Variants in PPP1R3B observed in about 807,000 individuals in gnomAD.
The protein encoded by PPP1R3B is PP1 subunit R4.
A neutral mutation model predicts 14.6 loss-of-function variants in PPP1R3B; 8 were observed. That is an observed-to-expected ratio of 0.55 (90% CI 0.32 to 0.99). The LOEUF (loss-of-function observed/expected upper bound fraction) is 0.99, where lower values mean the gene tolerates loss of function less well. PPP1R3B is among the 50% of genes least tolerant of loss of function. The pLI, the probability that PPP1R3B is intolerant of heterozygous loss-of-function variation, is 0.04. For missense variants in PPP1R3B, 452 were observed against 360.1 expected (o/e 1.26, Z -2.07); for synonymous variants, 169 against 142.0 (o/e 1.19, Z -1.35).
chr8:9,141,244 C>A lies in PPP1R3B; in HGVS notation c.408G>T (p.Glu136Asp), dbSNP rs1260651092. 1 of 1,614,178 alleles carries A rather than the reference C, an allele frequency of 6.2e-7. No individual in the cohort carries two copies. The highest frequency in any genetic ancestry group is 1.7e-5 in the Admixed American group (1 of 60,020). Reference protein sequence around the residue: ...NRLQADHVCLENCVLKDKAIA... With the variant: ...NRLQADHVCLDNCVLKDKAIA... Reference sequence around the variant, plus strand: ...TGGCCTTGTCCTTGAGCACACAGTTCTCAAGGCAGACGTGGTCGGCCTGAA... The same window carrying A: ...TGGCCTTGTCCTTGAGCACACAGTTATCAAGGCAGACGTGGTCGGCCTGAA... Residue 136 changes from glutamate to aspartate, a missense_variant, in exon 2 of 2, where the codon GAG becomes GAT. Coordinates refer to ENST00000310455, the MANE Select transcript of PPP1R3B (RefSeq NM_024607.4).
rs1165712567 is a variant in PPP1R3B, at chr8:9,136,363, G to C, written c.*4431C>G. The C allele has an allele frequency of 6.6e-6, 1 of 152,088 alleles. No homozygotes were observed. The allele number at this position is 152,088 out of a possible 1,614,324, so 9.4% of individuals were successfully genotyped here. ...GGATTTTTAAAGTGCATTTCCCCTT[G>C]AACTCTGTGTACAAAAATATTTATC... On this transcript the variant is annotated 3_prime_UTR_variant, in exon 2 of 2. Coordinates refer to ENST00000310455, the MANE Select transcript of PPP1R3B (RefSeq NM_024607.4).
rs750638299 is a variant in PPP1R3B, at chr8:9,141,397, C to T, written c.255G>A (p.Pro85=). The part of the protein sequence containing the change: ...MVKVFSEFDD[P]LDMPFNITEL... ...CGGTGATGTTGAATGGCATATCTAG[C>T]GGGTCATCGAATTCCGAGAACACTT... Residue 85 remains proline, a synonymous_variant, in exon 2 of 2, where the codon CCG becomes CCA. Transcript: ENST00000310455. The T allele has an allele frequency of 1.2e-5, 19 of 1,614,216 alleles. No individual in the cohort carries two copies. The highest frequency in any genetic ancestry group is 1.2e-4 in the Admixed American group (7 of 60,030).
chr8:9,145,264 C>T (rs1801206848), intron 1 of PPP1R3B: 1 of 152,192 alleles, frequency 6.6e-6, no homozygotes, highest in East Asian at 1.9e-4. Context: ...CACGTATGCT[C>T]AGATTCTCTT....
At position 9,141,201 on chromosome 8, in the gene PPP1R3B, C is replaced by G; in HGVS notation, c.451G>C (p.Val151Leu). Residue 151 changes from valine to leucine, a missense_variant, in exon 2 of 2, where the codon GTT becomes CTT. By Grantham distance (32) the Val-to-Leu change is conservative (BLOSUM62 1). Coordinates refer to ENST00000310455, the MANE Select transcript of PPP1R3B (RefSeq NM_024607.4). ...GTCTTCTCAAATGCGAGGTTCTGAA[C>G]CTTCACAGTGCCTGCAATGGCCTTG... Reference protein sequence around the residue: ...KDKAIAGTVKVQNLAFEKTVK... With the variant: ...KDKAIAGTVKLQNLAFEKTVK... 6.2e-7 allele frequency: 1 copy of G among 1,614,204 alleles called. No homozygotes were observed. Among genetic ancestry groups the G allele is most frequent in the South Asian group, 1.1e-5 (1 of 91,080 alleles).
upstream of PPP1R3B, chr8:9,151,370 G>A (rs911693964): frequency 6.4e-6 from 1 of 156,108 alleles, no homozygotes; most frequent in Non-Finnish European, 1.4e-5. Context: ...TAAGTCCCGA[G>A]GGCAGACGCG....
Position 9,136,555 on chromosome 8 carries a change from A to G in PPP1R3B, c.*4239T>C, listed in dbSNP as rs118043156. The G allele has an allele frequency of 1.3e-5, 2 of 152,350 alleles. No homozygotes were observed. Among genetic ancestry groups the G allele is most frequent in the East Asian group, 3.9e-4 (2 of 5,190 alleles). The allele number at this position is 152,350 out of a possible 1,614,324, so 9.4% of individuals were successfully genotyped here. ...CTAAAAACTCGTCAACAAGACTAAA[A>G]ACATTCACGGCTTTACAATGTGGGT... is the stretch of plus-strand genomic sequence containing the variant. On this transcript the variant is annotated 3_prime_UTR_variant, in exon 2 of 2. Transcript: ENST00000310455.
intron 1 of PPP1R3B, among the ~76,000 whole-genome samples, chr8:9,146,077 C>A (rs1801231215): frequency 6.6e-6 from 1 of 152,130 alleles, no homozygotes; most frequent in African/African-American, 2.4e-5. Flanking sequence ...CCATGTTGCC[C>A]AGGTTGGTCT....
rs932455022 is a variant in PPP1R3B, at chr8:9,138,063, C to A, written c.*2731G>T. 4.6e-5 allele frequency: 7 copies of A among 152,052 alleles called. No homozygotes were observed. The East Asian group carries it at 1.4e-3, about 29-fold the overall frequency. 9.4% of individuals were successfully genotyped at this position (152,052 alleles called of 1,614,324 possible). A position where few individuals can be genotyped will look rare whatever the true frequency, so the allele number is the denominator to read the frequency against. On this transcript the variant is annotated 3_prime_UTR_variant, in exon 2 of 2. Transcript: ENST00000310455. ...CCTTTTTCTTATGAACAGAGTGATC[C>A]TTAGTCGGGTAACATGTCAATGACA...
intron 1 of PPP1R3B, among the ~76,000 whole-genome samples, chr8:9,149,075 C>T (rs1247280520): frequency 6.7e-6 from 1 of 149,112 alleles, no homozygotes; most frequent in African/African-American, 2.5e-5. Flanking sequence ...CGCCTGTAGT[C>T]CCAGCTACTC....
intron 1 of PPP1R3B, among the ~76,000 whole-genome samples, chr8:9,148,018 A>G (rs1801292633): frequency 6.6e-6 from 1 of 152,116 alleles, no homozygotes; most frequent in Non-Finnish European, 1.5e-5. Context: ...ACTGTCAGTC[A>G]CCTTGCCTGT....
At chr8:9,149,530 CA>C (rs1202343602) in intron 1 of PPP1R3B, among the ~76,000 whole-genome samples, 2 of 152,092 alleles carry the variant, frequency 1.3e-5, no homozygotes, top group African/African-American at 4.8e-5. Flanking sequence ...ACCAAACAAA[CA>C]AAAAAATCAG....
At position 9,141,622 on chromosome 8, in the gene PPP1R3B, G is replaced by A. The variant is rs757083827; in HGVS notation, c.30C>T (p.Tyr10=). The change falls in exon 2 of 2, where the codon TAC becomes TAT. Residue 10 remains tyrosine, a synonymous_variant. Coordinates refer to ENST00000310455, the MANE Select transcript of PPP1R3B (RefSeq NM_024607.4). MMAVDIEYR[Y]NCMAPSLRQE... is the part of the protein sequence containing the mutation. ...GGCGCAAGGAAGGAGCCATGCAGTTGTATCTGTACTCGATGTCCACAGCCA... is the reference window on the plus strand; with the variant it reads ...GGCGCAAGGAAGGAGCCATGCAGTTATATCTGTACTCGATGTCCACAGCCA... 2.5e-6 allele frequency: 4 copies of A among 1,613,892 alleles called. No homozygotes were observed. Among genetic ancestry groups the A allele is most frequent in the South Asian group, 2.2e-5 (2 of 91,082 alleles).
At chr8:9,146,534 T>A (rs967894615) in intron 1 of PPP1R3B, among the ~76,000 whole-genome samples, 1 of 152,224 alleles carries the variant, frequency 6.6e-6, no homozygotes, top group East Asian at 1.9e-4. Context: ...CATATCAGAT[T>A]TGACCCCATT....
rs566301950 is a variant in PPP1R3B at position 9,144,944 on chromosome 8, C to G, written c.-17-3276G>C. On this transcript the variant is annotated intron_variant, in intron 1 of 1. Transcript: ENST00000310455. ...TATTTTTAGTAGAGACAGGGTTTCA[C>G]CATGTTGGCCAAGCTGGTCTCAAAC... Among the ~76,000 whole-genome samples the G allele has an allele frequency of 7.2e-5, 11 of 152,252 alleles. No individual in the cohort carries two copies. The South Asian group carries it at 2.3e-3, about 32-fold the overall frequency.
At chr8:9,142,951 T>A (rs1801131917) in intron 1 of PPP1R3B, among the ~76,000 whole-genome samples, 1 of 152,238 alleles carries the variant, frequency 6.6e-6, no homozygotes, top group Non-Finnish European at 1.5e-5. Context: ...GCTTAGTGAA[T>A]AACGCTGCAA....
At chr8:9,145,567 G>A (rs373035382) in intron 1 of PPP1R3B, 34 of 152,266 alleles carry the variant, frequency 2.2e-4, no homozygotes, top group African/African-American at 8.2e-4. Context: ...TAGAAGTGAA[G>A]GTTTTGGGGA....
intron 1 of PPP1R3B, 111 bp from the exon 2 acceptor site, chr8:9,141,779 C>T: frequency 9.7e-7 from 1 of 1,029,108 alleles, no homozygotes; most frequent in East Asian, 2.7e-5. Context: ...TTCCTTTTAT[C>T]TATGCCCACC....
chr8:9,142,888 T>C (rs577432358), intron 1 of PPP1R3B, among the ~76,000 whole-genome samples: 16 of 152,340 alleles, frequency 1.1e-4, no homozygotes, highest in Non-Finnish European at 2.1e-4. Flanking sequence ...ATATACCATG[T>C]TTTCTTTATT....
Position 9,141,522 on chromosome 8 carries a change from T to C in PPP1R3B, c.130A>G (p.Asn44Asp), listed in dbSNP as rs899444466. 10 of 1,614,090 alleles carry C rather than the reference T, an allele frequency of 6.2e-6. No homozygotes were observed. The African/African-American group carries it at 1.3e-4, about 22-fold the overall frequency. The change falls in exon 2 of 2, where the codon AAT (asparagine) becomes GAT (aspartate). Residue 44 changes from asparagine to aspartate, a missense_variant. Coordinates refer to ENST00000310455, the MANE Select transcript of PPP1R3B (RefSeq NM_024607.4). ...LRPCIQLSSK[N>D]EASGMVAPAV... is the part of the protein sequence containing the mutation. ...GGGGCCACCATTCCACTGGCTTCAT[T>C]CTTGCTGCTCAGCTGAATACAAGGC... is the stretch of plus-strand genomic sequence containing the variant.
Sources: gnomAD v4.1 joint callset for allele counts (sites outside exome capture counted in the v4.1 genomes callset) on GRCh38, gnomAD v4.1.1 for gene constraint, MANE v1.5 for transcripts, NCBI Gene and HGNC (gene_info 2026-07-23, HGNC 2026-07-21) for gene names.